TMEM132B: variants seen among roughly 807,000 people sequenced by gnomAD.
TMEM132B encodes transmembrane protein 132B.
TMEM132B carries 18 observed loss-of-function variants against 90.8 expected under a neutral mutation model. That is an observed-to-expected ratio of 0.20 (90% confidence interval 0.14 to 0.29). TMEM132B has a LOEUF of 0.29. Ranked by LOEUF, TMEM132B falls within the 10% of genes least tolerant of loss-of-function variation. TMEM132B has a pLI of 1.00. For synonymous variants in TMEM132B, 504 were observed against 523.3 expected (o/e 0.96, Z 0.50); for missense variants, 1,096 against 1,326.8 (o/e 0.83, Z 2.70).
At chr12:125,254,985 G>A (rs897997197) in intron 1 of TMEM132B, among the ~76,000 whole-genome samples, 6 of 152,164 alleles carry the variant, frequency 3.9e-5, no homozygotes, top group South Asian at 2.1e-4. Flanking sequence ...GTGCCCGGCC[G>A]CCTCTTCCTA....
intron 1 of TMEM132B, among the ~76,000 whole-genome samples, chr12:125,258,865 G>A (rs891655203): frequency 6.6e-5 from 10 of 152,220 alleles, no homozygotes; most frequent in African/African-American, 2.2e-4. Flanking sequence ...TCTCTGCAAG[G>A]TGTCATTTAA....
intron 5 of TMEM132B, among the ~76,000 whole-genome samples, chr12:125,628,689 A>G (rs1886289645): frequency 2.0e-5 from 3 of 152,026 alleles, no homozygotes; most frequent in Non-Finnish European, 4.4e-5. Flanking sequence ...TTGGTTGCCT[A>G]TGCTTGTAGG....
chr12:125,427,305 A>G (rs1430314153), intron 3 of TMEM132B, among the ~76,000 whole-genome samples: 1 of 152,160 alleles, frequency 6.6e-6, no homozygotes, highest in Non-Finnish European at 1.5e-5. Flanking sequence ...TATGCTCTAT[A>G]TTATCCCCTT....
At chr12:125,519,651 A>C in intron 4 of TMEM132B, 26 bp downstream of exon 4, 1 of 1,611,150 alleles carries the variant, frequency 6.2e-7, no homozygotes, top group Non-Finnish European at 8.5e-7. Flanking sequence ...GTTTCAGAGG[A>C]AGTGTCACAA....
At chr12:125,272,958 T>C (rs1565989230) in intron 1 of TMEM132B, among the ~76,000 whole-genome samples, 2 of 152,242 alleles carry the variant, frequency 1.3e-5, no homozygotes, top group Non-Finnish European at 2.9e-5. Context: ...TCTGGAGATG[T>C]TCTCCACTCA....
intron 1 of TMEM132B, among the ~76,000 whole-genome samples, chr12:125,314,236 CT>C (rs1416049514): frequency 6.6e-6 from 1 of 152,162 alleles, no homozygotes; most frequent in African/African-American, 2.4e-5. Flanking sequence ...GCCTTGACTT[CT>C]GTGTGGGCGT....
In TMEM132B at chr12:125,277,618, G is replaced by A. The variant is rs544810727; in HGVS notation, c.68-71834G>A. On this transcript the variant is annotated intron_variant, in intron 1 of 8. Coordinates refer to ENST00000682704, the MANE Select transcript of TMEM132B (RefSeq NM_001366854.1). The surrounding 1 kb of genome is among the most constrained non-coding windows in gnomAD (Gnocchi z 4.3). ...CCAGGGAACACCAAGGGTTTCCAGC[G>A]ACCCCAGAGGCAAAGAGAAAGGCGT... is the stretch of plus-strand genomic sequence containing the variant. Among the ~76,000 whole-genome samples, 18 of 151,974 alleles carry A rather than the reference G, an allele frequency of 1.2e-4. No homozygotes were observed. The highest frequency in any genetic ancestry group is 3.9e-4 in the African/African-American group (16 of 41,398).
At chr12:125,518,223 C>G (rs1883217756) in intron 3 of TMEM132B, among the ~76,000 whole-genome samples, 1 of 152,130 alleles carries the variant, frequency 6.6e-6, no homozygotes. Flanking sequence ...ATGTGGTTTC[C>G]CCACCACTGT....
At chr12:125,441,206 T>G (rs555616100) in intron 3 of TMEM132B, among the ~76,000 whole-genome samples, 1 of 152,324 alleles carries the variant, frequency 6.6e-6, no homozygotes, top group South Asian at 2.1e-4. Context: ...ATAAATAACC[T>G]GTAATATTGA....
chr12:125,348,135 A>G (rs1877422115), intron 1 of TMEM132B, among the ~76,000 whole-genome samples: 1 of 152,084 alleles, frequency 6.6e-6, no homozygotes, highest in Non-Finnish European at 1.5e-5. Flanking sequence ...TTTATCCTTA[A>G]TGTCATATTG....
At chr12:125,468,354 T>G (rs762211756) in intron 3 of TMEM132B, among the ~76,000 whole-genome samples, 4 of 152,246 alleles carry the variant, frequency 2.6e-5, no homozygotes, top group African/African-American at 4.8e-5. Context: ...GTATTTTCTG[T>G]CACTTGCATT....
chr12:125,333,693 T>TC (rs1255414554), intron 1 of TMEM132B, among the ~76,000 whole-genome samples: 3 of 152,220 alleles, frequency 2.0e-5, no homozygotes, highest in Non-Finnish European at 4.4e-5. Context: ...ATCTAGCTGA[T>TC]TACTGCTGGG....
chr12:125,652,041 C>T (rs139772443), intron 7 of TMEM132B, among the ~76,000 whole-genome samples: 27 of 152,358 alleles, frequency 1.8e-4, no homozygotes, highest in African/African-American at 6.0e-4. Context: ...CATGTGATTA[C>T]ATTGGGTCCA....
intron 1 of TMEM132B, among the ~76,000 whole-genome samples, chr12:125,258,594 A>G (rs1247948829): frequency 6.6e-6 from 1 of 152,158 alleles, no homozygotes; most frequent in African/African-American, 2.4e-5. Context: ...CCAGAGTCAC[A>G]TAGCATCACT....
intron 1 of TMEM132B, among the ~76,000 whole-genome samples, chr12:125,205,764 A>G (rs537764273): frequency 6.6e-6 from 1 of 152,108 alleles, no homozygotes; most frequent in Non-Finnish European, 1.5e-5. Flanking sequence ...GCCTTTTATG[A>G]CCCAGCCTTG....
In TMEM132B at chr12:125,459,003, C is replaced by T. The variant is rs1881367968; in HGVS notation, c.1106+43326C>T. On this transcript the variant is annotated intron_variant, in intron 3 of 8. Coordinates refer to ENST00000682704, the MANE Select transcript of TMEM132B (RefSeq NM_001366854.1). The surrounding 1 kb of genome is among the most constrained non-coding windows in gnomAD (Gnocchi z 4.1). Reference sequence around the variant, plus strand: ...TCATGGAGCTCAGATTCCCTGTGGTCCCCCCATGTGCAATTAGCATCTTCG... The same window carrying T: ...TCATGGAGCTCAGATTCCCTGTGGTTCCCCCATGTGCAATTAGCATCTTCG... Among the ~76,000 whole-genome samples the T allele has an allele frequency of 6.6e-6, 1 of 152,098 alleles. No individual in the cohort carries two copies.
chr12:125,569,208 G>A (rs1884733617), intron 4 of TMEM132B, among the ~76,000 whole-genome samples: 1 of 152,042 alleles, frequency 6.6e-6, no homozygotes. Context: ...TTCCCAAGCT[G>A]GCATTTCCCC....
intron 1 of TMEM132B, among the ~76,000 whole-genome samples, chr12:125,322,351 G>A (rs1411870192): frequency 5.3e-5 from 8 of 152,238 alleles, no homozygotes; most frequent in Admixed American, 3.9e-4. Context: ...GTGGAACTGT[G>A]AGTCCATTAA....
At chr12:125,404,174 C>G (rs1432300565) in intron 2 of TMEM132B, among the ~76,000 whole-genome samples, 2 of 152,052 alleles carry the variant, frequency 1.3e-5, no homozygotes, top group Non-Finnish European at 2.9e-5. Context: ...TGGACATGCA[C>G]CAGAACTGGA....
Sources: gnomAD v4.1 joint callset for allele counts (sites outside exome capture counted in the v4.1 genomes callset) on GRCh38, gnomAD v4.1.1 for gene constraint, Gnocchi (gnomAD v3.1) non-coding constraint, MANE v1.5 for transcripts, NCBI Gene and HGNC (gene_info 2026-07-23, HGNC 2026-07-21) for gene names.